Variants in CSMD3 observed in about 807,000 individuals in gnomAD.
CSMD3 encodes the protein CUB and sushi domain-containing protein 3.
CSMD3 carries 177 observed loss-of-function variants against 435.2 expected under a neutral mutation model. The observed-to-expected ratio is 0.41, with a 90% confidence interval of 0.36 to 0.46. CSMD3 has a LOEUF of 0.46. Ranked by LOEUF, CSMD3 falls within the 20% of genes least tolerant of loss-of-function variation. The pLI is 0.34. For missense variants in CSMD3, 4,265 were observed against 4,504.6 expected, an observed-to-expected ratio of 0.95 and a Z score of 1.52; for synonymous variants, 1,656 against 1,520.5, an observed-to-expected ratio of 1.09 and a Z score of -2.07.
chr8:113,037,544 A>G (rs1311768790), intron 5 of CSMD3, among the ~76,000 whole-genome samples: 1 of 152,120 alleles, frequency 6.6e-6, no homozygotes, highest in African/African-American at 2.4e-5. Flanking sequence ...TTTACAAGCA[A>G]GATACCTCAA....
rs147613422 is a variant in CSMD3 at position 112,665,064 on chromosome 8, T to C, written c.2816+1213A>G. Among the ~76,000 whole-genome samples, 29 of 152,234 alleles carry C rather than the reference T, an allele frequency of 1.9e-4. No individual in the cohort carries two copies. In the East Asian group the frequency reaches 5.2e-3, roughly 27 times the overall value. On this transcript the variant is annotated intron_variant, in intron 17 of 70. Transcript: ENST00000297405. ...AGAAATGGCAACCTAACTAAGAGTA[T>C]AATCTTGTAATAAATAGCTGAGTGT... is the stretch of plus-strand genomic sequence containing the variant.
chr8:113,402,144 C>A (rs1405713175), intron 1 of CSMD3, among the ~76,000 whole-genome samples: 1 of 151,268 alleles, frequency 6.6e-6, no homozygotes, highest in East Asian at 1.9e-4. Flanking sequence ...TTTATAACAT[C>A]TTTTGAGTCA....
intron 4 of CSMD3, among the ~76,000 whole-genome samples, chr8:113,104,051 A>T (rs2131570024): frequency 6.6e-6 from 1 of 152,248 alleles, no homozygotes; most frequent in Non-Finnish European, 1.5e-5. Context: ...CAGCTTCATA[A>T]AACACCCAAA....
chr8:113,337,339 G>A (rs1343787767), intron 1 of CSMD3, among the ~76,000 whole-genome samples: 2 of 152,046 alleles, frequency 1.3e-5, no homozygotes, highest in Non-Finnish European at 2.9e-5. Context: ...ATTCCTGGAA[G>A]AGCAAGTCTG....
intron 68 of CSMD3, among the ~76,000 whole-genome samples, chr8:112,232,483 G>A (rs1813181548): frequency 6.6e-6 from 1 of 152,034 alleles, no homozygotes; most frequent in South Asian, 2.1e-4. Flanking sequence ...GTGGCATGTA[G>A]CTGTAATCCC....
chr8:112,704,171 G>T (rs1417244337), intron 13 of CSMD3, among the ~76,000 whole-genome samples: 1 of 150,542 alleles, frequency 6.6e-6, no homozygotes, highest in Admixed American at 6.6e-5. Flanking sequence ...TTAGAAACAG[G>T]CTCTCACTAT....
intron 12 of CSMD3, among the ~76,000 whole-genome samples, chr8:112,824,291 A>G (rs572126726): frequency 1.1e-4 from 16 of 152,252 alleles, no homozygotes; most frequent in African/African-American, 3.9e-4. Context: ...TGGGGCATTT[A>G]GTCCATTTAC....
chr8:112,777,901 G>C (rs2078285068), intron 13 of CSMD3, among the ~76,000 whole-genome samples: 1 of 151,680 alleles, frequency 6.6e-6, no homozygotes, highest in Non-Finnish European at 1.5e-5. Context: ...TGGAAATTGA[G>C]TAGTAGACTA....
chr8:112,717,357 A>G (rs888873813), intron 13 of CSMD3, among the ~76,000 whole-genome samples: 12 of 152,192 alleles, frequency 7.9e-5, no homozygotes, highest in African/African-American at 2.7e-4. Context: ...GCAAATCAAA[A>G]TCACAATGAG....
intron 3 of CSMD3, among the ~76,000 whole-genome samples, chr8:113,243,631 A>T (rs1468592347): frequency 6.6e-6 from 1 of 152,092 alleles, no homozygotes; most frequent in African/African-American, 2.4e-5. Flanking sequence ...TATACCTATG[A>T]CTAGAATTGC....
intron 3 of CSMD3, among the ~76,000 whole-genome samples, chr8:113,209,217 A>T (rs546299200): frequency 6.6e-6 from 1 of 152,300 alleles, no homozygotes; most frequent in South Asian, 2.1e-4. Flanking sequence ...TGTCACCTAC[A>T]CTGAAGCAGG....
At position 113,063,175 on chromosome 8, in the gene CSMD3, A is replaced by T. The variant is rs1004879095; in HGVS notation, c.917+35581T>A. On this transcript the variant is annotated intron_variant, in intron 5 of 70. Coordinates refer to ENST00000297405, the MANE Select transcript of CSMD3 (RefSeq NM_198123.2). ...GCATCCAGCTAGAAAAATAAAAAGT[A>T]AAAAAAAAAAGCAAAACAAAACTTT... 2.8e-5 allele frequency among the ~76,000 whole-genome samples: 4 copies of T among 145,338 alleles called. No homozygotes were observed. In the South Asian group the frequency reaches 6.6e-4, roughly 24 times the overall value.
At chr8:113,051,196 G>A (rs1016038114) in intron 5 of CSMD3, among the ~76,000 whole-genome samples, 3 of 152,040 alleles carry the variant, frequency 2.0e-5, no homozygotes, top group African/African-American at 4.8e-5. Flanking sequence ...GAAAAAATAC[G>A]CTGTTGGTTA....
At chr8:113,069,634 G>T (rs2089015994) in intron 5 of CSMD3, among the ~76,000 whole-genome samples, 1 of 152,074 alleles carries the variant, frequency 6.6e-6, no homozygotes, top group South Asian at 2.1e-4. Flanking sequence ...ATTGCTCAAA[G>T]TGCCTTAGAA....
intron 28 of CSMD3, among the ~76,000 whole-genome samples, chr8:112,508,515 G>T (rs2130941000): frequency 6.6e-6 from 1 of 152,192 alleles, no homozygotes; most frequent in East Asian, 1.9e-4. Context: ...CCCACTCTCA[G>T]CTTTAAGACA....
intron 44 of CSMD3, 128 bp downstream of exon 44, chr8:112,336,524 C>G: frequency 2.6e-6 from 2 of 775,290 alleles, no homozygotes; most frequent in Non-Finnish European, 4.4e-6. Context: ...TACTGTCACC[C>G]TCAGTTACTC....
intron 13 of CSMD3, among the ~76,000 whole-genome samples, chr8:112,748,495 A>AC (rs2132090460): frequency 6.6e-6 from 1 of 151,330 alleles, no homozygotes; most frequent in African/African-American, 2.4e-5. Context: ...CCCTCCTCCC[A>AC]CCCTCCCGCA....
intron 27 of CSMD3, among the ~76,000 whole-genome samples, chr8:112,545,504 T>TAAAAA (rs1216562590): frequency 2.2e-5 from 2 of 93,002 alleles, no homozygotes; most frequent in African/African-American, 4.4e-5. Context: ...AAAAAAAAAA[T>TAAAAA]AATAATAATA....
At chr8:112,638,175 T>C (rs544990169) in intron 21 of CSMD3, among the ~76,000 whole-genome samples, 3 of 140,572 alleles carry the variant, frequency 2.1e-5, no homozygotes, top group East Asian at 2.0e-4. Context: ...TCCAGAATAA[T>C]AAATTACTAT....
Sources: gnomAD v4.1 joint callset for allele counts (sites outside exome capture counted in the v4.1 genomes callset) on GRCh38, gnomAD v4.1.1 for gene constraint, MANE v1.5 for transcripts, NCBI Gene and HGNC (gene_info 2026-07-23, HGNC 2026-07-21) for gene names.